Variants in TMCO5A observed in about 807,000 individuals in gnomAD.
The protein encoded by TMCO5A is transmembrane and coiled-coil domains 5A, also known as transmembrane and coiled-coil domain-containing protein 5A.
Under a neutral mutation model 42.3 loss-of-function variants are expected in TMCO5A, and 34 were observed. The ratio of observed to expected loss-of-function variants is 0.80; its 90% CI spans 0.61 to 1.07. TMCO5A has a LOEUF of 1.07. Among genes scored for constraint, TMCO5A ranks in the 50% least tolerant of loss-of-function variants. The pLI is 0.00. For missense variants in TMCO5A, 357 were observed against 327.9 expected, an observed-to-expected ratio of 1.09 and a Z score of -0.69; for synonymous variants, 131 against 115.6, an observed-to-expected ratio of 1.13 and a Z score of -0.86.
At chr15:37,954,691 A>T (rs529648267), downstream of TMCO5A, among the ~76,000 whole-genome samples, 9 of 152,208 alleles carry the variant, frequency 5.9e-5, no homozygotes, top group South Asian at 1.9e-3. Context: ...ATACTACCTT[A>T]AGTAGGAAAA....
exon 12 of TMCO5A, chr15:37,967,121 C>T (rs1890576949): frequency 6.3e-6 from 1 of 158,042 alleles, no homozygotes; most frequent in African/African-American, 2.4e-5. Flanking sequence ...AATCAGGTCA[C>T]TAGGGCTAAA....
chr15:38,034,128 T>G, the TMCO5A span, among the ~76,000 whole-genome samples: 182 of 152,244 alleles, frequency 1.2e-3, no homozygotes, highest in Middle Eastern at 6.8e-3. Context: ...AAACACTGTG[T>G]GGCAGAAAAG....
the TMCO5A span, among the ~76,000 whole-genome samples, chr15:38,018,853 GC>G: frequency 6.6e-6 from 1 of 151,964 alleles, no homozygotes; most frequent in African/African-American, 2.4e-5. Context: ...AACAATTTAT[GC>G]ATAAGAAATG....
chr15:38,029,160 G>A, the TMCO5A span, among the ~76,000 whole-genome samples: 1 of 152,136 alleles, frequency 6.6e-6, no homozygotes, highest in South Asian at 2.1e-4. Context: ...GGGAGAAAGT[G>A]CAGAGTAAAA....
At chr15:37,945,169 T>C (rs1889899781) in intron 10 of TMCO5A, among the ~76,000 whole-genome samples, 1 of 152,112 alleles carries the variant, frequency 6.6e-6, no homozygotes, top group Non-Finnish European at 1.5e-5. Context: ...GTAAAATGGC[T>C]TCCAATACCA....
chr15:37,976,636 G>C, the TMCO5A span, among the ~76,000 whole-genome samples: 2 of 152,006 alleles, frequency 1.3e-5, no homozygotes, highest in Admixed American at 6.6e-5. Flanking sequence ...GTCTGATTGA[G>C]TTACTTCAGA....
chr15:37,958,816 A>G (rs1428019235), intron 11 of TMCO5A, among the ~76,000 whole-genome samples: 1 of 152,142 alleles, frequency 6.6e-6, no homozygotes, highest in African/African-American at 2.4e-5. Context: ...AGACACATGC[A>G]CACGTATGTT....
At chr15:37,943,234 T>C (rs1050925469) in intron 9 of TMCO5A, 107 bp from the exon 10 acceptor site, 4 of 972,696 alleles carry the variant, frequency 4.1e-6, no homozygotes, top group Non-Finnish European at 6.1e-6. Flanking sequence ...GTTACAATAT[T>C]GGACAGTACA....
chr15:37,995,496 G>A, the TMCO5A span, among the ~76,000 whole-genome samples: 1 of 152,146 alleles, frequency 6.6e-6, no homozygotes, highest in Non-Finnish European at 1.5e-5. Flanking sequence ...GGACAATAAT[G>A]GTTAGAAAGT....
chr15:37,990,522 G>T, the TMCO5A span, among the ~76,000 whole-genome samples: 3 of 151,914 alleles, frequency 2.0e-5, no homozygotes, highest in Admixed American at 6.6e-5. Context: ...TGAATTGCTC[G>T]ATGACAGCAT....
intron 6 of TMCO5A, among the ~76,000 whole-genome samples, chr15:37,939,354 G>A (rs1889646871): frequency 6.6e-6 from 1 of 152,130 alleles, no homozygotes; most frequent in African/African-American, 2.4e-5. Flanking sequence ...GCTTGGCTGT[G>A]CTAATTCAGG....
chr15:37,962,168 T>A (rs1220523089), intron 11 of TMCO5A, among the ~76,000 whole-genome samples: 2 of 152,186 alleles, frequency 1.3e-5, no homozygotes, highest in Non-Finnish European at 2.9e-5. Flanking sequence ...TTATATTGGC[T>A]GGTGATTTGT....
At chr15:37,962,205 T>C (rs1170826851) in intron 11 of TMCO5A, among the ~76,000 whole-genome samples, 1 of 151,994 alleles carries the variant, frequency 6.6e-6, no homozygotes, top group Non-Finnish European at 1.5e-5. Flanking sequence ...TACATTGAGG[T>C]ATCTCCCTTG....
chr15:37,947,586 C>G, intron 10 of TMCO5A, 70 bp from the exon 11 acceptor site: 1 of 1,003,444 alleles, frequency 1.0e-6, no homozygotes, highest in Non-Finnish European at 1.5e-6. Flanking sequence ...TAATGGCTCA[C>G]TAAATATTAT....
At chr15:37,952,290 C>T (rs1595601354), downstream of TMCO5A, among the ~76,000 whole-genome samples, 1 of 152,064 alleles carries the variant, frequency 6.6e-6, no homozygotes, top group Non-Finnish European at 1.5e-5. Flanking sequence ...TCCCAGGCAG[C>T]ACAGCTCATG....
chr15:38,027,045 A>G, the TMCO5A span, among the ~76,000 whole-genome samples: 1 of 152,150 alleles, frequency 6.6e-6, no homozygotes, highest in Non-Finnish European at 1.5e-5. Flanking sequence ...CATGGAAGGG[A>G]AATGTGGGGT....
At chr15:37,974,667 T>C in the TMCO5A span, among the ~76,000 whole-genome samples, 2 of 152,108 alleles carry the variant, frequency 1.3e-5, no homozygotes. Context: ...TAGCTAGTGA[T>C]CTACTAATCT....
the TMCO5A span, among the ~76,000 whole-genome samples, chr15:38,018,019 C>T: frequency 1.3e-5 from 2 of 152,166 alleles, no homozygotes; most frequent in African/African-American, 4.8e-5. Flanking sequence ...CTGTAAGTTT[C>T]ATGAGGCCTC....
the TMCO5A span, among the ~76,000 whole-genome samples, chr15:38,018,355 T>C: frequency 6.6e-6 from 1 of 152,172 alleles, no homozygotes; most frequent in African/African-American, 2.4e-5. Flanking sequence ...AAAATTATTG[T>C]CCTCAGAGAG....
Sources: gnomAD v4.1 joint callset for allele counts (sites outside exome capture counted in the v4.1 genomes callset) on GRCh38, gnomAD v4.1.1 for gene constraint, MANE v1.5 for transcripts, NCBI Gene and HGNC (gene_info 2026-07-23, HGNC 2026-07-21) for gene names.